Variants in NTN4 observed in about 807,000 individuals in gnomAD.
NTN4 encodes netrin 4, also known as netrin-4.
Under a neutral mutation model 73.6 loss-of-function variants are expected in NTN4, and 32 were observed. The ratio of observed to expected loss-of-function variants is 0.44; its 90% CI spans 0.33 to 0.58. The LOEUF is 0.58. Ranked by LOEUF, NTN4 falls within the 20% of genes least tolerant of loss-of-function variation. The pLI, the probability that NTN4 is intolerant of heterozygous loss-of-function variation, is 0.04. For synonymous variants in NTN4, 258 were observed against 287.5 expected (o/e 0.90, Z 1.04); for missense variants, 654 against 798.3 (o/e 0.82, Z 2.18).
intron 5 of NTN4, among the ~76,000 whole-genome samples, chr12:95,687,668 T>G (rs2078372308): frequency 6.6e-6 from 1 of 152,178 alleles, no homozygotes; most frequent in African/African-American, 2.4e-5. Context: ...CCCAAAGTGC[T>G]GGAATTACAG....
Position 95,790,153 on chromosome 12 carries a change from G to C in NTN4, c.55+102C>G. 9.6e-7 allele frequency: 1 copy of C among 1,044,804 alleles called. No homozygotes were observed. The highest frequency in any genetic ancestry group is 1.4e-6 in the Non-Finnish European group (1 of 731,806). The allele number at this position is 1,044,804 out of a possible 1,614,324, so 64.7% of individuals were successfully genotyped here. A position where few individuals can be genotyped will look rare whatever the true frequency, so the allele number is the denominator to read the frequency against. ...CACTCATTTCACCCTCGGGAGCAGC[G>C]CTCTGCGCTCGCAGCCCTGGCTCCC... On this transcript the variant is annotated intron_variant, in intron 1 of 9. Coordinates refer to ENST00000343702, the MANE Select transcript of NTN4 (RefSeq NM_021229.4). The surrounding 1 kb of genome is among the most constrained non-coding windows in gnomAD (Gnocchi z 6.5).
At chr12:95,689,029 T>C (rs1252805596) in intron 5 of NTN4, among the ~76,000 whole-genome samples, 1 of 152,148 alleles carries the variant, frequency 6.6e-6, no homozygotes, top group East Asian at 1.9e-4. Context: ...CCAGTATGAA[T>C]GTGTGAGGTT....
chr12:95,770,988 A>AATTTTTTTTTTTTTTTTTTTTT (rs2079053316), intron 2 of NTN4, among the ~76,000 whole-genome samples: 1 of 58,070 alleles, frequency 1.7e-5, no homozygotes, highest in Admixed American at 1.3e-4. Flanking sequence ...CAGGAAAAGA[A>AATTTTTTTTTTTTTTTTTTTTT]TTTGTTTTTT....
chr12:95,771,467 C>T (rs2079058802), intron 2 of NTN4, among the ~76,000 whole-genome samples: 1 of 152,084 alleles, frequency 6.6e-6, no homozygotes, highest in Non-Finnish European at 1.5e-5. Flanking sequence ...ATTCTGCACA[C>T]AAATTGAAAT....
Position 95,737,906 on chromosome 12 carries a change from T to C in NTN4, c.824A>G (p.His275Arg), listed in dbSNP as rs1314774098. Residue 275 changes from histidine (H) to arginine (R), a missense_variant, in exon 3 of 10, where the codon CAT (histidine) becomes CGT (arginine). His to Arg is a conservative substitution (Grantham distance 29, BLOSUM62 0). Coordinates refer to ENST00000343702, the MANE Select transcript of NTN4 (RefSeq NM_021229.4). ...TGGGGCCTTGACAGGTCTGAAGCCA[T>C]GAACAGGTATGCATTGATCAGCGTG... Reference protein sequence around the residue: ...NGHADQCIPVHGFRPVKAPGT... With the variant: ...NGHADQCIPVRGFRPVKAPGT... The C allele has an allele frequency of 6.2e-7, 1 of 1,614,074 alleles. No homozygotes were observed. The highest frequency in any genetic ancestry group is 1.7e-5 in the Admixed American group (1 of 60,016).
chr12:95,694,595 T>C (rs1015079005), intron 5 of NTN4, among the ~76,000 whole-genome samples: 4 of 152,190 alleles, frequency 2.6e-5, no homozygotes, highest in Non-Finnish European at 5.9e-5. Context: ...TGAGATCTTT[T>C]ATCTTTTTTT....
intron 3 of NTN4, 95 bp downstream of exon 3, chr12:95,737,771 A>G: frequency 8.0e-7 from 1 of 1,252,676 alleles, no homozygotes; most frequent in Non-Finnish European, 1.1e-6. Flanking sequence ...AGAGGAAAAA[A>G]TCAGCAGCAC....
At chr12:95,722,973 C>CAAAAAAAAA (rs71087998) in intron 3 of NTN4, among the ~76,000 whole-genome samples, 1 of 55,370 alleles carries the variant, frequency 1.8e-5, no homozygotes, top group African/African-American at 7.0e-5. Flanking sequence ...GACTCTGTCT[C>CAAAAAAAAA]AAAAAAAAAA....
chr12:95,661,888 A>G (rs1322703777), intron 9 of NTN4, among the ~76,000 whole-genome samples: 2 of 152,166 alleles, frequency 1.3e-5, no homozygotes, highest in Non-Finnish European at 2.9e-5. Flanking sequence ...ATAACGTGTG[A>G]TCCTGGATTG....
At position 95,790,387 on chromosome 12, in the gene NTN4, C is replaced by T. The variant is rs2079200083; in HGVS notation, c.-78G>A. Reference sequence around the variant, plus strand: ...GACCTCTGGGCTGCGGGATGAAGCGCCGCCGTCCTCGGGAGGGAACGGGGC... The same window carrying T: ...GACCTCTGGGCTGCGGGATGAAGCGTCGCCGTCCTCGGGAGGGAACGGGGC... On this transcript the variant is annotated 5_prime_UTR_variant, in exon 1 of 10. Coordinates refer to ENST00000343702, the MANE Select transcript of NTN4 (RefSeq NM_021229.4). This position sits in a 1 kb window ranked among gnomAD's most constrained non-coding sequence, Gnocchi z 6.5. The T allele has an allele frequency of 7.9e-7, 1 of 1,271,066 alleles. No homozygotes were observed. Among genetic ancestry groups the T allele is most frequent in the Non-Finnish European group, 1.1e-6 (1 of 941,990 alleles). 78.7% of individuals were successfully genotyped at this position (1,271,066 alleles called of 1,614,324 possible).
At chr12:95,692,432 A>C (rs1377301276) in intron 5 of NTN4, among the ~76,000 whole-genome samples, 1 of 152,260 alleles carries the variant, frequency 6.6e-6, no homozygotes, top group Non-Finnish European at 1.5e-5. Context: ...AGTACTTTAC[A>C]AAAGATTTCA....
At chr12:95,737,144 C>T (rs1368810558) in intron 3 of NTN4, among the ~76,000 whole-genome samples, 6 of 152,218 alleles carry the variant, frequency 3.9e-5, no homozygotes, top group African/African-American at 1.4e-4. Context: ...TTCTGGAAGT[C>T]GGGGAGGTAA....
intron 7 of NTN4, 57 bp from the exon 8 acceptor site, chr12:95,670,203 A>G (rs915963890): frequency 2.6e-5 from 27 of 1,028,654 alleles, no homozygotes; most frequent in Non-Finnish European, 3.4e-5. Flanking sequence ...GAAAGAAAAA[A>G]TAAGAGATCA....
intron 2 of NTN4, among the ~76,000 whole-genome samples, chr12:95,762,389 A>C (rs992666143): frequency 1.3e-5 from 2 of 152,180 alleles, no homozygotes; most frequent in Non-Finnish European, 2.9e-5. Context: ...CTTCACTTGT[A>C]GGAGACCTTG....
chr12:95,722,479 A>C (rs1320934654), intron 3 of NTN4, among the ~76,000 whole-genome samples: 1 of 151,706 alleles, frequency 6.6e-6, no homozygotes, highest in Non-Finnish European at 1.5e-5. Flanking sequence ...TACAAAAATT[A>C]CCCGGGTGTG....
chr12:95,741,386 T>C (rs1461513687), intron 2 of NTN4, among the ~76,000 whole-genome samples: 2 of 142,268 alleles, frequency 1.4e-5, no homozygotes, highest in Admixed American at 7.1e-5. Flanking sequence ...ATCATAGGTA[T>C]GTATGTATAG....
chr12:95,756,418 T>TACTTAC (rs2078947556), intron 2 of NTN4, among the ~76,000 whole-genome samples: 1 of 152,340 alleles, frequency 6.6e-6, no homozygotes, highest in East Asian at 1.9e-4. Context: ...CTGCCCTTTA[T>TACTTAC]AAATAAGATT....
chr12:95,695,452 C>T (rs1252771693), intron 5 of NTN4, among the ~76,000 whole-genome samples: 2 of 152,090 alleles, frequency 1.3e-5, no homozygotes, highest in Non-Finnish European at 2.9e-5. Context: ...GCAACCTCCA[C>T]CTCCTGGGTT....
At chr12:95,737,797 C>T (rs1372455046) in intron 3 of NTN4, 69 bp downstream of exon 3, 3 of 1,506,416 alleles carry the variant, frequency 2.0e-6, no homozygotes, top group East Asian at 4.5e-5. Flanking sequence ...TAAGCATATA[C>T]CAACCAATGC....
Sources: allele counts gnomAD v4.1 joint callset (sites outside exome capture counted in the v4.1 genomes callset), GRCh38; gene constraint gnomAD v4.1.1; non-coding constraint Gnocchi (gnomAD v3.1); transcripts MANE v1.5; gene names NCBI Gene and HGNC (gene_info 2026-07-23, HGNC 2026-07-21).